The following MFSD11 variants were observed in gnomAD, a reference collection of about 807,000 sequenced individuals.
MFSD11 encodes the protein UNC93-like protein MFSD11.
A neutral mutation model predicts 53.5 loss-of-function variants in MFSD11; 36 were observed. The ratio of observed to expected loss-of-function variants is 0.67; its 90% CI spans 0.52 to 0.89. The LOEUF is 0.89. MFSD11 is among the 40% of genes least tolerant of loss of function. The pLI is 0.00. For missense variants in MFSD11, 530 were observed against 543.9 expected (o/e 0.97, Z 0.25); for synonymous variants, 186 against 184.9 (o/e 1.01, Z -0.05).
chr17:76,743,126 A>G (rs2078248436), intron 5 of MFSD11, among the ~76,000 whole-genome samples: 3 of 152,190 alleles, frequency 2.0e-5, no homozygotes, highest in African/African-American at 7.2e-5. Context: ...AATAAATCAC[A>G]TGTTTCAAAG....
At chr17:76,800,741 T>C in the MFSD11 span, among the ~76,000 whole-genome samples, 1 of 152,168 alleles carries the variant, frequency 6.6e-6, no homozygotes, top group African/African-American at 2.4e-5. Context: ...TGTTTCAGTG[T>C]AGAGGGTATA....
At chr17:76,797,467 A>G in the MFSD11 span, among the ~76,000 whole-genome samples, 1 of 152,196 alleles carries the variant, frequency 6.6e-6, no homozygotes, top group African/African-American at 2.4e-5. Flanking sequence ...AATATGTTAT[A>G]CTTAGCATAT....
chr17:76,751,138 C>T lies in MFSD11; in HGVS notation c.642-2909C>T, dbSNP rs368572900. 2.9e-4 allele frequency among the ~76,000 whole-genome samples: 44 copies of T among 151,422 alleles called. No individual in the cohort carries two copies. In the East Asian group the frequency reaches 8.5e-3, roughly 29 times the overall value. ...GGGTGCAGTGGCTCACACCTGTAAT[C>T]CCAGCACTTTGGGAGGCCGAGGCGG... is the stretch of plus-strand genomic sequence containing the variant. On this transcript the variant is annotated intron_variant, in intron 7 of 12. Coordinates refer to ENST00000685175, the MANE Select transcript of MFSD11 (RefSeq NM_001242532.5).
chr17:76,797,431 C>T, the MFSD11 span, among the ~76,000 whole-genome samples: 1 of 152,072 alleles, frequency 6.6e-6, no homozygotes, highest in African/African-American at 2.4e-5. Flanking sequence ...TGTCACGGCT[C>T]TAGTGGGAGT....
intron 10 of MFSD11, among the ~76,000 whole-genome samples, chr17:76,770,199 G>A (rs1234231523): frequency 2.0e-5 from 3 of 151,510 alleles, no homozygotes; most frequent in African/African-American, 4.8e-5. Flanking sequence ...CACTATGCCC[G>A]GCTAATTTTT....
At chr17:76,795,636 C>G in the MFSD11 span, among the ~76,000 whole-genome samples, 1 of 152,090 alleles carries the variant, frequency 6.6e-6, no homozygotes, top group African/African-American at 2.4e-5. Context: ...ATGATGTTGA[C>G]AATCAGTGGA....
At chr17:76,737,253 C>T (rs570395338), upstream of MFSD11, 156 of 1,440,860 alleles carry the variant, frequency 1.1e-4, 1 homozygote, top group African/African-American at 2.1e-3. Context: ...AGTTGCCTTC[C>T]GCGTGGGGAC....
chr17:76,738,042 T>G (rs2077663145), upstream of MFSD11: 1 of 387,144 alleles, frequency 2.6e-6, no homozygotes, highest in Middle Eastern at 6.6e-4. Context: ...CTGCTGCGGC[T>G]GGCACTTGGC....
rs986691956 is a variant in MFSD11, at chr17:76,778,381, C to T, written c.*29C>T. ...GGTGTCCGTGAGGGGACACGTATGA[C>T]CTCAGAAACACAGCTGGACACAGAG... On this transcript the variant is annotated 3_prime_UTR_variant, in exon 13 of 13. Coordinates refer to ENST00000685175, the MANE Select transcript of MFSD11 (RefSeq NM_001242532.5). 1 of 1,610,182 alleles carries T rather than the reference C, an allele frequency of 6.2e-7. No individual in the cohort carries two copies. The highest frequency in any genetic ancestry group is 8.5e-7 in the Non-Finnish European group (1 of 1,176,916).
rs557847665 is a variant in MFSD11, at chr17:76,739,003, C to G, written c.152+10C>G. 5.6e-6 allele frequency: 9 copies of G among 1,607,814 alleles called. No homozygotes were observed. Among genetic ancestry groups the G allele is most frequent in the Non-Finnish European group, 6.8e-6 (8 of 1,174,616 alleles). ...GCAGTGGATATACCAGGTATTGTAC[C>G]GTATGATTGATTTTGCTTTATATTT... On this transcript the variant is annotated intron_variant, in intron 2 of 12. Coordinates refer to ENST00000685175, the MANE Select transcript of MFSD11 (RefSeq NM_001242532.5).
rs2081808342 is a variant in MFSD11, at chr17:76,776,064, C to T, written c.1050-342C>T. On this transcript the variant is annotated intron_variant, in intron 11 of 12. Transcript: ENST00000685175. The surrounding 1 kb of genome is among the most constrained non-coding windows in gnomAD (Gnocchi z 4.2). The stretch of plus-strand genomic sequence containing the variant: ...CGTGATCTCCGCTCACTGCAACCTC[C>T]ACCTCCGGGGTTCAAGTGATTCTCG... Among the ~76,000 whole-genome samples the T allele has an allele frequency of 6.6e-6, 1 of 152,182 alleles. No homozygotes were observed. The highest frequency in any genetic ancestry group is 1.5e-5 in the Non-Finnish European group (1 of 68,042).
intron 10 of MFSD11, among the ~76,000 whole-genome samples, chr17:76,772,625 C>A (rs891781461): frequency 6.7e-6 from 1 of 148,378 alleles, no homozygotes; most frequent in Non-Finnish European, 1.5e-5. Context: ...TCAAGCAATT[C>A]TTCTGCCTCA....
At chr17:76,755,887 G>C in intron 8 of MFSD11, among the ~76,000 whole-genome samples, 1 of 134,676 alleles carries the variant, frequency 7.4e-6, no homozygotes, top group South Asian at 2.4e-4. Flanking sequence ...GCAATGGTGC[G>C]ATCTCAGCTC....
At chr17:76,742,689 A>G (rs2078207499) in intron 5 of MFSD11, among the ~76,000 whole-genome samples, 1 of 152,062 alleles carries the variant, frequency 6.6e-6, no homozygotes, top group East Asian at 1.9e-4. Flanking sequence ...TATTTTTAGT[A>G]GAGACGGAGT....
At chr17:76,764,405 T>C (rs2080608853) in intron 8 of MFSD11, among the ~76,000 whole-genome samples, 1 of 152,192 alleles carries the variant, frequency 6.6e-6, no homozygotes, top group African/African-American at 2.4e-5. Flanking sequence ...AACGTCTCCC[T>C]ATTTCCCCCA....
intron 1 of MFSD11, 32 bp downstream of exon 1, chr17:76,738,480 G>A (rs754043409): frequency 6.7e-7 from 1 of 1,494,038 alleles, no homozygotes; most frequent in Non-Finnish European, 9.3e-7. Context: ...CTCCTTTGAA[G>A]TGCCCATCAT....
At chr17:76,737,162 G>T (rs370907629), upstream of MFSD11, 208 of 1,561,052 alleles carry the variant, frequency 1.3e-4, no homozygotes, top group Non-Finnish European at 1.7e-4. Context: ...GTAGCTCATA[G>T]CTCTGAGTGG....
intron 8 of MFSD11, among the ~76,000 whole-genome samples, chr17:76,754,727 C>G (rs1039268027): frequency 6.7e-6 from 1 of 150,356 alleles, no homozygotes; most frequent in Non-Finnish European, 1.5e-5. Flanking sequence ...CTTCTTGGAG[C>G]AAAGCAGTAG....
chr17:76,748,669 G>C (rs747833556), intron 7 of MFSD11, among the ~76,000 whole-genome samples: 1 of 151,798 alleles, frequency 6.6e-6, no homozygotes, highest in Non-Finnish European at 1.5e-5. Flanking sequence ...ATGGGCAACA[G>C]AGCAAGACCC....
Sources: gnomAD v4.1 joint callset for allele counts (sites outside exome capture counted in the v4.1 genomes callset) on GRCh38, gnomAD v4.1.1 for gene constraint, Gnocchi (gnomAD v3.1) non-coding constraint, MANE v1.5 for transcripts, NCBI Gene and HGNC (gene_info 2026-07-23, HGNC 2026-07-21) for gene names.